The following HIKESHI variants were observed in gnomAD, a reference collection of about 807,000 sequenced individuals.
The protein encoded by HIKESHI is protein Hikeshi.
Under a neutral mutation model 25.7 loss-of-function variants are expected in HIKESHI, and 13 were observed. The ratio of observed to expected loss-of-function variants is 0.51; its 90% CI spans 0.33 to 0.80. HIKESHI has a LOEUF of 0.80. HIKESHI is among the 30% of genes least tolerant of loss of function. The pLI is 0.02. For synonymous variants in HIKESHI, 76 were observed against 78.7 expected, an observed-to-expected ratio of 0.97 and a Z score of 0.18; for missense variants, 174 against 229.5, an observed-to-expected ratio of 0.76 and a Z score of 1.56.
At chr11:86,322,951 G>T (rs1363470492) in intron 2 of HIKESHI, among the ~76,000 whole-genome samples, 1 of 152,108 alleles carries the variant, frequency 6.6e-6, no homozygotes, top group Non-Finnish European at 1.5e-5. Flanking sequence ...AATATAGGCT[G>T]GGCACGGTAG....
At chr11:86,319,099 A>T (rs907161632) in intron 2 of HIKESHI, among the ~76,000 whole-genome samples, 1 of 151,422 alleles carries the variant, frequency 6.6e-6, no homozygotes, top group African/African-American at 2.4e-5. Context: ...TTTTGTAGAG[A>T]TAGGGTCTTG....
intron 2 of HIKESHI, among the ~76,000 whole-genome samples, chr11:86,309,278 G>T (rs1003618196): frequency 1.3e-5 from 2 of 152,092 alleles, no homozygotes; most frequent in Non-Finnish European, 2.9e-5. Flanking sequence ...GCGTGAGATG[G>T]TATCTCATTG....
At chr11:86,327,672 T>C (rs1478819936) in intron 2 of HIKESHI, among the ~76,000 whole-genome samples, 1 of 152,082 alleles carries the variant, frequency 6.6e-6, no homozygotes, top group East Asian at 1.9e-4. Context: ...GCTCAGACAG[T>C]CTGCTAACTT....
chr11:86,329,326 A>C (rs1277397061), intron 2 of HIKESHI, among the ~76,000 whole-genome samples: 2 of 152,070 alleles, frequency 1.3e-5, no homozygotes, highest in Non-Finnish European at 2.9e-5. Context: ...CTCATTGGGC[A>C]TTTTGGCTTT....
chr11:86,342,040 G>T (rs768604138), intron 3 of HIKESHI, among the ~76,000 whole-genome samples: 1 of 145,250 alleles, frequency 6.9e-6, no homozygotes, highest in Non-Finnish European at 1.5e-5. Flanking sequence ...ACATTTATCA[G>T]ACCTTTAAAA....
At chr11:86,338,741 G>T (rs1332349010) in intron 3 of HIKESHI, among the ~76,000 whole-genome samples, 2 of 151,712 alleles carry the variant, frequency 1.3e-5, no homozygotes, top group Non-Finnish European at 2.9e-5. Flanking sequence ...TCTCAAAAAT[G>T]TTTTTTTTCC....
At position 86,345,659 on chromosome 11, in the gene HIKESHI, A is replaced by C. The variant is rs1292672959; in HGVS notation, c.*21A>C. 1 of 1,428,178 alleles carries C rather than the reference A, an allele frequency of 7.0e-7. No homozygotes were observed. Among genetic ancestry groups the C allele is most frequent in the South Asian group, 1.3e-5 (1 of 79,826 alleles). 88.5% of individuals were successfully genotyped at this position (1,428,178 alleles called of 1,614,324 possible). A position where few individuals can be genotyped will look rare whatever the true frequency, so the allele number is the denominator to read the frequency against. ...CATAATTTGAATAAAATAATTTTTAATGGATTCTGAAATTTGTCATGTTTT... is the reference window on the plus strand; with the variant it reads ...CATAATTTGAATAAAATAATTTTTACTGGATTCTGAAATTTGTCATGTTTT... On this transcript the variant is annotated 3_prime_UTR_variant, in exon 5 of 5. Transcript: ENST00000278483.
chr11:86,335,577 GC>G (rs1479932896), intron 2 of HIKESHI, among the ~76,000 whole-genome samples: 10 of 152,134 alleles, frequency 6.6e-5, no homozygotes, highest in Admixed American at 6.6e-4. Context: ...AAACTGCCTG[GC>G]TGAATACTAA....
intron 2 of HIKESHI, among the ~76,000 whole-genome samples, chr11:86,321,161 C>A (rs757196184): frequency 2.6e-5 from 4 of 152,128 alleles, no homozygotes; most frequent in Non-Finnish European, 5.9e-5. Flanking sequence ...TCTTGAACTC[C>A]TAACTTTGTG....
intron 3 of HIKESHI, among the ~76,000 whole-genome samples, chr11:86,343,048 T>G (rs1225007031): frequency 6.6e-6 from 1 of 152,234 alleles, no homozygotes; most frequent in Non-Finnish European, 1.5e-5. Context: ...TACCACATTG[T>G]CTTTCCATAT....
intron 2 of HIKESHI, among the ~76,000 whole-genome samples, chr11:86,325,141 C>G (rs291222): frequency 0.71 from 107,362 of 151,550 alleles, 38,372 homozygotes; most frequent in East Asian, 0.82. Context: ...TCGCACCACT[C>G]TTCTCCAGCC....
At chr11:86,323,156 A>G (rs983765899) in intron 2 of HIKESHI, among the ~76,000 whole-genome samples, 5 of 152,108 alleles carry the variant, frequency 3.3e-5, no homozygotes, top group African/African-American at 1.2e-4. Flanking sequence ...GCTTGAGCCC[A>G]GGAGGCAGAG....
chr11:86,314,106 C>A (rs575690229), intron 2 of HIKESHI, among the ~76,000 whole-genome samples: 4 of 152,146 alleles, frequency 2.6e-5, no homozygotes, highest in Non-Finnish European at 4.4e-5. Context: ...AATGTAAATA[C>A]TCAAATATTT....
chr11:86,321,673 G>A (rs1170038371), intron 2 of HIKESHI, among the ~76,000 whole-genome samples: 1 of 151,674 alleles, frequency 6.6e-6, no homozygotes, highest in Non-Finnish European at 1.5e-5. Flanking sequence ...GGAATTATAG[G>A]CACCCGCCAT....
chr11:86,318,613 G>C (rs1947062038), intron 2 of HIKESHI, among the ~76,000 whole-genome samples: 1 of 151,858 alleles, frequency 6.6e-6, no homozygotes, highest in African/African-American at 2.4e-5. Flanking sequence ...TTTTTATCTA[G>C]TACCTTAAAT....
intron 3 of HIKESHI, chr11:86,343,689 G>A (rs948712979): frequency 6.6e-6 from 1 of 152,118 alleles, no homozygotes; most frequent in African/African-American, 2.4e-5. Flanking sequence ...TATTAATCAG[G>A]TGCCTTCGCA....
chr11:86,319,437 T>C (rs1947095673), intron 2 of HIKESHI, among the ~76,000 whole-genome samples: 1 of 149,888 alleles, frequency 6.7e-6, no homozygotes, highest in Admixed American at 6.7e-5. Context: ...GTTTTTTGTT[T>C]GTAGAGATGG....
chr11:86,333,557 CAA>C (rs111979847), intron 2 of HIKESHI, among the ~76,000 whole-genome samples: 1 of 144,596 alleles, frequency 6.9e-6, no homozygotes, highest in Non-Finnish European at 1.5e-5. Context: ...AACAAACAAA[CAA>C]AAAAAAAAAA....
At chr11:86,314,501 G>C (rs755114084) in intron 2 of HIKESHI, among the ~76,000 whole-genome samples, 1 of 152,100 alleles carries the variant, frequency 6.6e-6, no homozygotes, top group African/African-American at 2.4e-5. Flanking sequence ...TGTAGTCCCA[G>C]CTACTCGGGA....
Sources: allele counts gnomAD v4.1 joint callset (sites outside exome capture counted in the v4.1 genomes callset), GRCh38; gene constraint gnomAD v4.1.1; transcripts MANE v1.5; gene names NCBI Gene and HGNC (gene_info 2026-07-23, HGNC 2026-07-21).